Variants in VSNL1 observed in about 807,000 individuals in gnomAD.
The protein encoded by VSNL1 is visinin-like protein 1.
VSNL1 carries 6 observed loss-of-function variants against 20.4 expected under a neutral mutation model. The ratio of observed to expected loss-of-function variants is 0.29; its 90% CI spans 0.16 to 0.58. The LOEUF (loss-of-function observed/expected upper bound fraction) is 0.58, where lower values mean the gene tolerates loss of function less well. VSNL1 is among the 20% of genes least tolerant of loss of function. The pLI, the probability that VSNL1 is intolerant of heterozygous loss-of-function variation, is 0.90. For synonymous variants in VSNL1, 93 were observed against 86.4 expected, an observed-to-expected ratio of 1.08 and a Z score of -0.42; for missense variants, 100 against 234.5, an observed-to-expected ratio of 0.43 and a Z score of 3.75.
chr2:17,552,091 TC>T (rs1416274679), intron 1 of VSNL1, among the ~76,000 whole-genome samples: 1 of 150,620 alleles, frequency 6.6e-6, no homozygotes, highest in Non-Finnish European at 1.5e-5. Flanking sequence ...TCCCAGCTAC[TC>T]GGGAGGCTGA....
chr2:17,638,699 C>G (rs779632907), intron 2 of VSNL1, among the ~76,000 whole-genome samples: 5 of 152,220 alleles, frequency 3.3e-5, no homozygotes, highest in Non-Finnish European at 5.9e-5. Flanking sequence ...GAGGAACCTA[C>G]TAGCAAACTC....
chr2:17,583,516 C>T (rs1338820606), intron 1 of VSNL1, among the ~76,000 whole-genome samples: 3 of 152,194 alleles, frequency 2.0e-5, no homozygotes, highest in South Asian at 4.1e-4. Context: ...CTCAGAAACA[C>T]ATAGGATGGT....
intron 2 of VSNL1, among the ~76,000 whole-genome samples, chr2:17,630,726 T>C (rs1665610163): frequency 6.6e-6 from 1 of 152,130 alleles, no homozygotes; most frequent in Non-Finnish European, 1.5e-5. Context: ...TAATAACTAG[T>C]TCAAACATAT....
intron 1 of VSNL1, among the ~76,000 whole-genome samples, chr2:17,577,438 C>T (rs984548991): frequency 2.6e-5 from 4 of 152,086 alleles, no homozygotes; most frequent in African/African-American, 4.8e-5. Flanking sequence ...CCCCCTTGTT[C>T]TGAAAAGCTT....
At chr2:17,600,122 A>C (rs1420010500) in intron 2 of VSNL1, among the ~76,000 whole-genome samples, 16 of 152,236 alleles carry the variant, frequency 1.1e-4, no homozygotes, top group African/African-American at 3.9e-4. Flanking sequence ...AGGTAAATGC[A>C]GTGTGATTTT....
In VSNL1 at chr2:17,622,588, GAAA is replaced by G. The variant is rs1558303708; in HGVS notation, c.163-26821_163-26819del. Among the ~76,000 whole-genome samples the G allele has an allele frequency of 1.9e-4, 24 of 125,702 alleles. 1 individual carries two copies. The highest frequency in any genetic ancestry group is 5.5e-4 in the African/African-American group (19 of 34,302). 82.5% of individuals were successfully genotyped at this position (125,702 alleles called of 152,430 possible). On this transcript the variant is annotated intron_variant, in intron 2 of 3. Transcript: ENST00000295156. Reference sequence around the variant, plus strand: ...AGAAAGAAAGAAAGAAAGAAAGAAAGAAAGAAAGAAAGAAAAGAAAGAAAGATC... The same window carrying G: ...AGAAAGAAAGAAAGAAAGAAAGAAAGGAAAGAAAGAAAAGAAAGAAAGATC...
In VSNL1 at chr2:17,607,887, A is replaced by T. The variant is rs115409078; in HGVS notation, c.162+15651A>T. Among the ~76,000 whole-genome samples, 1,292 of 152,388 alleles carry T rather than the reference A, an allele frequency of 8.5e-3. 11 individuals carry two copies. The highest frequency in any genetic ancestry group is 0.029 in the African/African-American group (1,214 of 41,586). On this transcript the variant is annotated intron_variant, in intron 2 of 3. Coordinates refer to ENST00000295156, the MANE Select transcript of VSNL1 (RefSeq NM_003385.5). ...GAGATTCTCAATGAACCTTTTCAAT[A>T]CAGAATGTTTAAATAAGTAATATGC...
chr2:17,620,388 G>A (rs1477343269), intron 2 of VSNL1, among the ~76,000 whole-genome samples: 1 of 152,200 alleles, frequency 6.6e-6, no homozygotes, highest in Non-Finnish European at 1.5e-5. Context: ...AGCGAGAAGG[G>A]CAGGCTAGAG....
At chr2:17,633,356 A>G (rs1665680372) in intron 2 of VSNL1, among the ~76,000 whole-genome samples, 1 of 150,126 alleles carries the variant, frequency 6.7e-6, no homozygotes, top group South Asian at 2.1e-4. Context: ...TACAAAAAAA[A>G]AAAAAAAAAA....
chr2:17,575,273 G>A (rs1664180643), intron 1 of VSNL1, among the ~76,000 whole-genome samples: 1 of 152,140 alleles, frequency 6.6e-6, no homozygotes, highest in Admixed American at 6.5e-5. Context: ...CCTAAAGTCA[G>A]GAGAAAATAA....
intron 2 of VSNL1, among the ~76,000 whole-genome samples, chr2:17,594,958 T>A (rs1410813736): frequency 6.6e-6 from 1 of 152,190 alleles, no homozygotes; most frequent in Non-Finnish European, 1.5e-5. Context: ...ACAAACTGAA[T>A]GTGGAACAGA....
intron 1 of VSNL1, among the ~76,000 whole-genome samples, chr2:17,548,790 C>T (rs554041912): frequency 1.3e-5 from 2 of 152,270 alleles, no homozygotes; most frequent in East Asian, 1.9e-4. Context: ...ACACATATCC[C>T]AGGTAGCATG....
At chr2:17,613,461 T>G (rs1558300430) in intron 2 of VSNL1, among the ~76,000 whole-genome samples, 1 of 152,234 alleles carries the variant, frequency 6.6e-6, no homozygotes, top group Non-Finnish European at 1.5e-5. Flanking sequence ...AAGTTAGCCC[T>G]GGGCTGGACC....
intron 1 of VSNL1, among the ~76,000 whole-genome samples, chr2:17,549,661 C>T (rs368882513): frequency 4.6e-5 from 7 of 152,184 alleles, no homozygotes; most frequent in East Asian, 3.9e-4. Flanking sequence ...TTTTGAAACA[C>T]TTCTTTGGGG....
chr2:17,566,220 A>G (rs945282699), intron 1 of VSNL1, among the ~76,000 whole-genome samples: 1 of 152,188 alleles, frequency 6.6e-6, no homozygotes, highest in Non-Finnish European at 1.5e-5. Context: ...TAGAGTGTAC[A>G]TCTTTTTCAC....
At chr2:17,591,839 CA>C (rs1296344293) in intron 1 of VSNL1, among the ~76,000 whole-genome samples, 1 of 151,970 alleles carries the variant, frequency 6.6e-6, no homozygotes, top group Non-Finnish European at 1.5e-5. Context: ...AAAGATGACA[CA>C]ATGAGGTAAA....
intron 1 of VSNL1, among the ~76,000 whole-genome samples, chr2:17,587,492 C>T (rs1317026896): frequency 1.3e-5 from 2 of 152,082 alleles, no homozygotes; most frequent in Non-Finnish European, 2.9e-5. Flanking sequence ...TTTCCACATC[C>T]ACGAAGTTCT....
intron 2 of VSNL1, among the ~76,000 whole-genome samples, chr2:17,595,969 ACT>A (rs1356439371): frequency 6.6e-6 from 1 of 152,208 alleles, no homozygotes; most frequent in Non-Finnish European, 1.5e-5. Flanking sequence ...CAAATATACC[ACT>A]GTTTATTTTC....
chr2:17,613,812 T>C (rs781267967), intron 2 of VSNL1, among the ~76,000 whole-genome samples: 1 of 152,150 alleles, frequency 6.6e-6, no homozygotes, highest in Non-Finnish European at 1.5e-5. Context: ...ATTCATCCCA[T>C]AGAAATGTAA....
Sources: gnomAD v4.1 joint callset for allele counts (sites outside exome capture counted in the v4.1 genomes callset) on GRCh38, gnomAD v4.1.1 for gene constraint, MANE v1.5 for transcripts, NCBI Gene and HGNC (gene_info 2026-07-23, HGNC 2026-07-21) for gene names.